MEF2B: variants seen among roughly 807,000 people sequenced by gnomAD.
MEF2B encodes the protein myocyte enhancer factor 2B, also known as myocyte-specific enhancer factor 2B.
In MEF2B, 15 loss-of-function variants were observed where a neutral mutation model predicts 32.2. The observed-to-expected ratio is 0.47, with a 90% CI of 0.31 to 0.72. MEF2B has a LOEUF of 0.72. MEF2B is among the 30% of genes least tolerant of loss of function. The probability of loss-of-function intolerance (pLI) is 0.05; values close to 1 mark genes in which losing one functional copy is unlikely to be tolerated. For synonymous variants in MEF2B, 205 were observed against 225.6 expected, an observed-to-expected ratio of 0.91 and a Z score of 0.82; for missense variants, 441 against 511.5, an observed-to-expected ratio of 0.86 and a Z score of 1.33.
chr19:19,154,081 G>A (rs1387640100), intron 1 of MEF2B, among the ~76,000 whole-genome samples: 1 of 151,866 alleles, frequency 6.6e-6, no homozygotes, highest in Non-Finnish European at 1.5e-5. Context: ...CTGGAGGAGG[G>A]CTGTGGATTT....
intron 1 of MEF2B, among the ~76,000 whole-genome samples, chr19:19,169,605 G>T (rs1006908823): frequency 6.6e-6 from 1 of 152,144 alleles, no homozygotes; most frequent in Non-Finnish European, 1.5e-5. Flanking sequence ...TAGGGAGGGA[G>T]GACTGTGACC....
intron 1 of MEF2B, among the ~76,000 whole-genome samples, chr19:19,169,483 A>C (rs2060235756): frequency 6.6e-6 from 1 of 152,140 alleles, no homozygotes; most frequent in Admixed American, 6.5e-5. Flanking sequence ...GATTACAGGC[A>C]TGAGCCACAG....
intron 1 of MEF2B, among the ~76,000 whole-genome samples, chr19:19,153,076 G>C (rs2060096221): frequency 6.6e-6 from 1 of 152,162 alleles, no homozygotes; most frequent in South Asian, 2.1e-4. Context: ...CCTTGGTCCG[G>C]AGGTCCCAGG....
intron 3 of MEF2B, 122 bp from the exon 4 acceptor site, chr19:19,147,954 TG>T: frequency 6.9e-7 from 1 of 1,440,062 alleles, no homozygotes; most frequent in Non-Finnish European, 9.1e-7. Flanking sequence ...AATGCAGGCA[TG>T]GCCTGCTCTA....
chr19:19,169,827 A>T, intron 1 of MEF2B, among the ~76,000 whole-genome samples: 1 of 152,112 alleles, frequency 6.6e-6, no homozygotes, highest in East Asian at 1.9e-4. Context: ...GGATGCGCTA[A>T]TGCTAAAGGA....
At chr19:19,150,439 G>A (rs1470953046) in intron 2 of MEF2B, among the ~76,000 whole-genome samples, 2 of 149,798 alleles carry the variant, frequency 1.3e-5, no homozygotes, top group Non-Finnish European at 3.0e-5. Flanking sequence ...AGGAAGAATC[G>A]TTTGAACCCG....
chr19:19,150,263 C>T (rs1238883069), intron 2 of MEF2B, among the ~76,000 whole-genome samples: 2 of 150,624 alleles, frequency 1.3e-5, no homozygotes, highest in African/African-American at 2.4e-5. Context: ...GGCGCGGTGG[C>T]TCACGCCTGT....
rs2060019636 is a variant in MEF2B at position 19,145,775 on chromosome 19, G to A, written c.*22C>T. On this transcript the variant is annotated 3_prime_UTR_variant, in exon 9 of 9. Transcript: ENST00000424583. This position sits in a 1 kb window ranked among gnomAD's most constrained non-coding sequence, Gnocchi z 4.6. Reference sequence around the variant, plus strand: ...TCGCCGTACCTGGCGAGCGCTCTGGGCTGGTGCCACCGGGTGATCTCCTAC... The same window carrying A: ...TCGCCGTACCTGGCGAGCGCTCTGGACTGGTGCCACCGGGTGATCTCCTAC... 1 of 1,552,442 alleles carries A rather than the reference G, an allele frequency of 6.4e-7. No individual in the cohort carries two copies. The highest frequency in any genetic ancestry group is 1.4e-5 in the African/African-American group (1 of 73,478).
At position 19,145,774 on chromosome 19, in the gene MEF2B, G is replaced by A; in HGVS notation, c.*23C>T. 6.4e-7 allele frequency: 1 copy of A among 1,552,688 alleles called. No individual in the cohort carries two copies. The highest frequency in any genetic ancestry group is 1.4e-5 in the African/African-American group (1 of 73,592). The stretch of plus-strand genomic sequence containing the variant: ...CTCGCCGTACCTGGCGAGCGCTCTG[G>A]GCTGGTGCCACCGGGTGATCTCCTA... On this transcript the variant is annotated 3_prime_UTR_variant, in exon 9 of 9. Coordinates refer to ENST00000424583, the MANE Select transcript of MEF2B (RefSeq NM_001145785.2). The surrounding 1 kb of genome is among the most constrained non-coding windows in gnomAD (Gnocchi z 4.6).
At chr19:19,151,685 C>T (rs753860726) in intron 1 of MEF2B, among the ~76,000 whole-genome samples, 6 of 152,204 alleles carry the variant, frequency 3.9e-5, no homozygotes, top group Admixed American at 6.5e-5. Context: ...CGCGGACCTA[C>T]GCTCAGGCCT....
At chr19:19,154,719 C>T (rs2060108774) in intron 1 of MEF2B, among the ~76,000 whole-genome samples, 1 of 152,204 alleles carries the variant, frequency 6.6e-6, no homozygotes. Context: ...GCTGGGATTC[C>T]AGGCGTGAGC....
In MEF2B at chr19:19,145,982, C is replaced by T. The variant is rs781653583; in HGVS notation, c.922G>A (p.Gly308Ser). ...ACTGGGGGGGTCGGCGGGGAGGCGC[C>T]GCGGGTTGGGGGACCCTCCTCGCCC... is the stretch of plus-strand genomic sequence containing the variant. Reference protein sequence around the residue: ...SLGEEGPPTRGASPPTPPVSI... With the variant: ...SLGEEGPPTRSASPPTPPVSI... Residue 308 changes from glycine (G) to serine (S), a missense_variant, in exon 9 of 9, where the codon GGC becomes AGC. Gly to Ser is a moderately conservative substitution (Grantham distance 56). This residue lies in a region of MEF2B where 326 missense variants were observed against 328.4 expected (regional missense o/e 0.99). Coordinates refer to ENST00000424583, the MANE Select transcript of MEF2B (RefSeq NM_001145785.2). The surrounding 1 kb of genome is among the most constrained non-coding windows in gnomAD (Gnocchi z 4.6). The T allele has an allele frequency of 4.7e-5, 68 of 1,431,614 alleles. No individual in the cohort carries two copies. The highest frequency in any genetic ancestry group is 5.8e-5 in the Non-Finnish European group (63 of 1,095,104). The allele number at this position is 1,431,614 out of a possible 1,614,324, so 88.7% of individuals were successfully genotyped here. A position where few individuals can be genotyped will look rare whatever the true frequency, so the allele number is the denominator to read the frequency against.
At chr19:19,166,579 G>A (rs1819481421) in intron 1 of MEF2B, among the ~76,000 whole-genome samples, 1 of 81,564 alleles carries the variant, frequency 1.2e-5, no homozygotes, top group Non-Finnish European at 2.5e-5. Flanking sequence ...AACATAGGGA[G>A]ACCCCCCCAT....
At position 19,156,777 on chromosome 19, in the gene MEF2B, G is replaced by A. The variant is rs1000317247; in HGVS notation, c.-29-6013C>T. Among the ~76,000 whole-genome samples the A allele has an allele frequency of 6.6e-5, 10 of 152,090 alleles. No homozygotes were observed. In the South Asian group the frequency reaches 8.3e-4, roughly 13 times the overall value. Reference sequence around the variant, plus strand: ...AGTGATCCTCCAGCCTCAGCATCCCGAGTAGCTGGGATTACAGCTATGTGT... The same window carrying A: ...AGTGATCCTCCAGCCTCAGCATCCCAAGTAGCTGGGATTACAGCTATGTGT... On this transcript the variant is annotated intron_variant, in intron 1 of 8. Coordinates refer to ENST00000424583, the MANE Select transcript of MEF2B (RefSeq NM_001145785.2).
At position 19,151,510 on chromosome 19, in the gene MEF2B, A is replaced by G. The variant is rs1260935396; in HGVS notation, c.-29-746T>C. Among the ~76,000 whole-genome samples the G allele has an allele frequency of 2.0e-5, 3 of 152,014 alleles. No individual in the cohort carries two copies. In the East Asian group the frequency reaches 5.8e-4, roughly 29 times the overall value. ...CCCCCACTCGAGGTTCCTGGGAACA[A>G]TCGAATCATGTGGCCTGTCCTGCAG... is the stretch of plus-strand genomic sequence containing the variant. On this transcript the variant is annotated intron_variant, in intron 1 of 8. Transcript: ENST00000424583.
chr19:19,164,925 G>T (rs1407897668), intron 1 of MEF2B, among the ~76,000 whole-genome samples: 2 of 152,184 alleles, frequency 1.3e-5, no homozygotes, highest in Non-Finnish European at 2.9e-5. Flanking sequence ...AGCTCTCCCT[G>T]CGGGGCCTCA....
At chr19:19,148,624 G>A (rs912654182) in intron 3 of MEF2B, among the ~76,000 whole-genome samples, 2 of 152,054 alleles carry the variant, frequency 1.3e-5, no homozygotes, top group Non-Finnish European at 2.9e-5. Context: ...GTCCCAGCCC[G>A]CTGCTCTCTG....
chr19:19,153,705 C>T (rs1490962145), intron 1 of MEF2B, among the ~76,000 whole-genome samples: 3 of 152,094 alleles, frequency 2.0e-5, no homozygotes, highest in Non-Finnish European at 4.4e-5. Flanking sequence ...GATCTGCCCG[C>T]CTTGGCCTCC....
chr19:19,164,278 C>G (rs1402976125), intron 1 of MEF2B, among the ~76,000 whole-genome samples: 1 of 152,190 alleles, frequency 6.6e-6, no homozygotes, highest in Non-Finnish European at 1.5e-5. Context: ...TCACTTCTCA[C>G]TGAAACACCT....
Sources: gnomAD v4.1 joint callset for allele counts (sites outside exome capture counted in the v4.1 genomes callset) on GRCh38, gnomAD v4.1.1 for gene constraint, gnomAD v4.1.1 regional missense constraint, Gnocchi (gnomAD v3.1) non-coding constraint, MANE v1.5 for transcripts, NCBI Gene and HGNC (gene_info 2026-07-23, HGNC 2026-07-21) for gene names.